Variants in PRKN observed in about 807,000 individuals in gnomAD.
PRKN encodes the protein parkin RBR E3 ubiquitin protein ligase, also known as E3 ubiquitin-protein ligase parkin.
Under a neutral mutation model 59.5 loss-of-function variants are expected in PRKN, and 56 were observed. That is an observed-to-expected ratio of 0.94 (90% CI 0.76 to 1.18). PRKN has a LOEUF of 1.18. PRKN is among the 50% of genes most tolerant of loss of function. The pLI is 0.00. For synonymous variants in PRKN, 250 were observed against 222.1 expected (o/e 1.13, Z -1.12); for missense variants, 657 against 596.4 (o/e 1.10, Z -1.06).
chr6:162,129,496 A>G (rs542097181), intron 4 of PRKN, among the ~76,000 whole-genome samples: 5 of 152,282 alleles, frequency 3.3e-5, no homozygotes, highest in African/African-American at 1.2e-4. Context: ...ATTTTTTTCT[A>G]GAGCTATATA....
chr6:162,302,953 G>T (rs1782026558), intron 2 of PRKN, among the ~76,000 whole-genome samples: 2 of 113,332 alleles, frequency 1.8e-5, no homozygotes, highest in Middle Eastern at 4.7e-3. Flanking sequence ...AGTATTATAT[G>T]CCTTAAACAT....
intron 9 of PRKN, among the ~76,000 whole-genome samples, chr6:161,387,297 C>T (rs934535814): frequency 1.3e-5 from 2 of 152,198 alleles, no homozygotes; most frequent in South Asian, 2.1e-4. Context: ...TGAGTGAGTT[C>T]TCACGAGATC....
intron 9 of PRKN, among the ~76,000 whole-genome samples, chr6:161,433,848 C>A (rs1342437209): frequency 6.6e-6 from 1 of 152,012 alleles, no homozygotes; most frequent in Non-Finnish European, 1.5e-5. Context: ...GAAACCCCAT[C>A]TCTGCTAAAA....
intron 3 of PRKN, among the ~76,000 whole-genome samples, chr6:162,253,556 A>C (rs935940501): frequency 6.6e-6 from 1 of 152,164 alleles, no homozygotes; most frequent in African/African-American, 2.4e-5. Flanking sequence ...AGGTATACTC[A>C]TTCTCATTTT....
At chr6:161,820,975 C>G (rs1212322811) in intron 6 of PRKN, among the ~76,000 whole-genome samples, 1 of 151,858 alleles carries the variant, frequency 6.6e-6, no homozygotes, top group African/African-American at 2.4e-5. Context: ...TCTATCTATA[C>G]TATCTTATGA....
At chr6:162,592,459 G>C (rs1247056087) in intron 1 of PRKN, among the ~76,000 whole-genome samples, 3 of 152,100 alleles carry the variant, frequency 2.0e-5, no homozygotes, top group African/African-American at 4.8e-5. Context: ...CTGGTTACTT[G>C]TCCCCATTTG....
rs75884204 is a variant in PRKN at position 162,271,544 on chromosome 6, A to C, written c.172-8779T>G. ...GGTGACAGAGCGAGACTCCGTCTCA[A>C]AAAAAAAAAAAAAGGTGTTATTTAA... On this transcript the variant is annotated intron_variant, in intron 2 of 11. Coordinates refer to ENST00000366898, the MANE Select transcript of PRKN (RefSeq NM_004562.3). 6 of 144,204 alleles carry C rather than the reference A, an allele frequency of 4.2e-5. No individual in the cohort carries two copies. The South Asian group carries it at 1.3e-3, about 31-fold the overall frequency. 8.9% of individuals were successfully genotyped at this position (144,204 alleles called of 1,614,324 possible).
chr6:162,095,303 C>A (rs939852616), intron 4 of PRKN, among the ~76,000 whole-genome samples: 2 of 152,140 alleles, frequency 1.3e-5, no homozygotes, highest in Non-Finnish European at 2.9e-5. Flanking sequence ...TAAAAATGAA[C>A]AAGATGAGCA....
chr6:161,396,993 A>T lies in PRKN; in HGVS notation c.1084-10116T>A, dbSNP rs1786791148. On this transcript the variant is annotated intron_variant, in intron 9 of 11. Transcript: ENST00000366898. This position sits in a 1 kb window ranked among gnomAD's most constrained non-coding sequence, Gnocchi z 5.4. ...CCTTTATTGTATGTTGAGCAGTCTC[A>T]TAGGTGCCCTGCAGGTATACCTGTT... Among the ~76,000 whole-genome samples the T allele has an allele frequency of 6.6e-6, 1 of 152,216 alleles. No homozygotes were observed. The highest frequency in any genetic ancestry group is 2.4e-5 in the African/African-American group (1 of 41,448).
rs115594817 is a variant in PRKN at position 161,575,984 on chromosome 6, G to A, written c.872-6568C>T. ...ACAAGCCAGAGAGCATGGGCCACAT[G>A]TGCAGGCTGGGCTGCAGCAGTGAAG... On this transcript the variant is annotated intron_variant, in intron 7 of 11. Transcript: ENST00000366898. The surrounding 1 kb of genome is among the most constrained non-coding windows in gnomAD (Gnocchi z 4.6). Among the ~76,000 whole-genome samples the A allele has an allele frequency of 1.3e-3, 200 of 152,350 alleles. No individual in the cohort carries two copies. The highest frequency in any genetic ancestry group is 4.6e-3 in the African/African-American group (191 of 41,592).
chr6:162,623,010 A>T (rs1277281685), intron 1 of PRKN, among the ~76,000 whole-genome samples: 2 of 152,208 alleles, frequency 1.3e-5, no homozygotes, highest in African/African-American at 4.8e-5. Context: ...AACAAAAAAA[A>T]CCTTTTCCAT....
intron 5 of PRKN, among the ~76,000 whole-genome samples, chr6:162,013,311 A>T (rs184922047): frequency 3.3e-5 from 5 of 152,218 alleles, no homozygotes; most frequent in Non-Finnish European, 1.5e-5. Flanking sequence ...CTGAAGCTAA[A>T]TCCCTTGTCT....
Position 162,556,345 on chromosome 6 carries a change from GTGTGTGTGTGT to G in PRKN, c.8-112883_8-112873del, listed in dbSNP as rs1562381805. On this transcript the variant is annotated intron_variant, in intron 1 of 11. Coordinates refer to ENST00000366898, the MANE Select transcript of PRKN (RefSeq NM_004562.3). ...ACCAAGCAGTAACTACTCAGCTGGTGTGTGTGTGTGTGTGTGTGTGTGTGTGTGTGTGTGTG... is the reference window on the plus strand; with the variant it reads ...ACCAAGCAGTAACTACTCAGCTGGTGGTGTGTGTGTGTGTGTGTGTGTGTG... Among the ~76,000 whole-genome samples the G allele has an allele frequency of 5.1e-3, 261 of 50,800 alleles. 4 individuals carry two copies. The highest frequency in any genetic ancestry group is 7.5e-3 in the Non-Finnish European group (176 of 23,406). 33.3% of individuals were successfully genotyped at this position (50,800 alleles called of 152,430 possible).
At chr6:161,668,047 T>C (rs1039587273) in intron 7 of PRKN, among the ~76,000 whole-genome samples, 1 of 152,192 alleles carries the variant, frequency 6.6e-6, no homozygotes, top group Non-Finnish European at 1.5e-5. Context: ...TAGATCTTGA[T>C]GTATGTTTTC....
chr6:161,806,426 T>A (rs1791326132), intron 6 of PRKN, among the ~76,000 whole-genome samples: 1 of 152,210 alleles, frequency 6.6e-6, no homozygotes, highest in East Asian at 1.9e-4. Flanking sequence ...GAACTCTGCA[T>A]GGACAGGTTC....
chr6:162,409,417 C>G (rs1788240017), intron 2 of PRKN, among the ~76,000 whole-genome samples: 1 of 152,108 alleles, frequency 6.6e-6, no homozygotes, highest in Admixed American at 6.6e-5. Context: ...TTGGCCTCCC[C>G]AAATGCTGGC....
chr6:161,642,866 C>T (rs1482128876), intron 7 of PRKN, among the ~76,000 whole-genome samples: 1 of 152,124 alleles, frequency 6.6e-6, no homozygotes, highest in Non-Finnish European at 1.5e-5. Context: ...TTTAAACATA[C>T]ACTTATATAG....
rs181335608 is a variant in PRKN at position 162,321,814 on chromosome 6, A to T, written c.172-59049T>A. 6.6e-5 allele frequency among the ~76,000 whole-genome samples: 10 copies of T among 152,110 alleles called. 1 individual carries two copies. The East Asian group carries it at 1.4e-3, about 21-fold the overall frequency. On this transcript the variant is annotated intron_variant, in intron 2 of 11. Coordinates refer to ENST00000366898, the MANE Select transcript of PRKN (RefSeq NM_004562.3). ...CTGACAAAAATCTGAAGTCTGTCTTATACAGTCCCACAGCAAATTAGGAAA... is the reference window on the plus strand; with the variant it reads ...CTGACAAAAATCTGAAGTCTGTCTTTTACAGTCCCACAGCAAATTAGGAAA...
intron 2 of PRKN, among the ~76,000 whole-genome samples, chr6:162,317,355 T>C (rs1782796913): frequency 6.6e-6 from 1 of 152,082 alleles, no homozygotes; most frequent in Admixed American, 6.6e-5. Flanking sequence ...CAAGCTCTCC[T>C]GCCTGTCTCC....
Sources: gnomAD v4.1 joint callset for allele counts (sites outside exome capture counted in the v4.1 genomes callset) on GRCh38, gnomAD v4.1.1 for gene constraint, Gnocchi (gnomAD v3.1) non-coding constraint, MANE v1.5 for transcripts, NCBI Gene and HGNC (gene_info 2026-07-23, HGNC 2026-07-21) for gene names.